Variants in SMURF1 observed in about 807,000 individuals in gnomAD.
The protein encoded by SMURF1 is E3 ubiquitin-protein ligase SMURF1.
SMURF1 carries 44 observed loss-of-function variants against 98.0 expected under a neutral mutation model. The ratio of observed to expected loss-of-function variants is 0.45; its 90% CI spans 0.35 to 0.58. The LOEUF is 0.58. Among genes scored for constraint, SMURF1 ranks in the 20% least tolerant of loss-of-function variants. SMURF1 has a pLI of 0.00. For synonymous variants in SMURF1, 396 were observed against 374.9 expected (o/e 1.06, Z -0.65); for missense variants, 687 against 938.4 (o/e 0.73, Z 3.50).
intron 13 of SMURF1, among the ~76,000 whole-genome samples, chr7:99,039,904 T>C (rs1795306610): frequency 6.6e-6 from 1 of 152,190 alleles, no homozygotes; most frequent in African/African-American, 2.4e-5. Flanking sequence ...GGTAACTAAA[T>C]GTTAATTTTG....
intron 1 of SMURF1, among the ~76,000 whole-genome samples, chr7:99,080,079 A>C (rs971536716): frequency 4.6e-5 from 7 of 152,212 alleles, no homozygotes; most frequent in African/African-American, 1.7e-4. Context: ...AGACAAAAGG[A>C]GAAAATAAAA....
chr7:99,069,833 T>G (rs955507505), intron 1 of SMURF1, among the ~76,000 whole-genome samples: 2 of 152,244 alleles, frequency 1.3e-5, no homozygotes, highest in African/African-American at 4.8e-5. Flanking sequence ...CCAATCTTGC[T>G]CAGTAAGTTT....
intron 1 of SMURF1, among the ~76,000 whole-genome samples, chr7:99,132,691 GACACACGGACACACACACACAC>G (rs1289011096): frequency 8.8e-6 from 1 of 113,268 alleles, no homozygotes; most frequent in Non-Finnish European, 1.8e-5. Flanking sequence ...ACATCACACA[GACACACGGACACACACACACAC>G]ACACACACAC....
chr7:99,035,611 C>T lies in SMURF1; in HGVS notation c.1915G>A (p.Ala639Thr). ...CTTTCTTCATCGAACGTCTCCACCG[C>T]TTGCCAGAACCACCGCACGATGTTG... ...DSNIVRWFWQ[A>T]VETFDEERRA... is the part of the protein sequence containing the mutation. Residue 639 changes from alanine to threonine, a missense_variant, in exon 16 of 18, where the codon GCG (alanine) becomes ACG (threonine). Ala to Thr is a moderately conservative substitution (Grantham distance 58). Coordinates refer to ENST00000361368, the MANE Select transcript of SMURF1 (RefSeq NM_181349.3). 1 of 1,614,248 alleles carries T rather than the reference C, an allele frequency of 6.2e-7. No individual in the cohort carries two copies. The highest frequency in any genetic ancestry group is 8.5e-7 in the Non-Finnish European group (1 of 1,180,046).
chr7:99,121,443 C>A (rs947748932), intron 1 of SMURF1, among the ~76,000 whole-genome samples: 1 of 152,146 alleles, frequency 6.6e-6, no homozygotes, highest in Admixed American at 6.5e-5. Context: ...TCCTCCAAAA[C>A]AACACCTAGT....
intron 1 of SMURF1, among the ~76,000 whole-genome samples, chr7:99,085,584 T>G (rs1226647986): frequency 6.6e-6 from 1 of 152,150 alleles, no homozygotes; most frequent in Non-Finnish European, 1.5e-5. Context: ...TCATACTCAA[T>G]GAACCTATGT....
Position 99,052,270 on chromosome 7 carries a change from C to A in SMURF1, c.656G>T (p.Gly219Val), listed in dbSNP as rs551205493. 35 of 1,611,122 alleles carry A rather than the reference C, an allele frequency of 2.2e-5. No individual in the cohort carries two copies. In the South Asian group the frequency reaches 3.7e-4, roughly 17 times the overall value. The part of the protein sequence containing the change: ...AQRLRNPDVR[G>V]SLQTPQNRPH... ...TCGGTTCTGGGGCGTCTGTAGTGAACCTCGCACATCAGGGTTTCGAAGCCG... is the reference window on the plus strand; with the variant it reads ...TCGGTTCTGGGGCGTCTGTAGTGAAACTCGCACATCAGGGTTTCGAAGCCG... Residue 219 changes from glycine (G) to valine (V), a missense_variant, in exon 7 of 18, where the codon GGT becomes GTT. Transcript: ENST00000361368.
Position 99,032,877 on chromosome 7 carries a change from T to G in SMURF1, c.2096+160A>C, listed in dbSNP as rs938704242. ...CAGAATTGTCATTCAACTCTAGAAT[T>G]TCTCCTTCTGTCTCAGGTGCTGTGG... On this transcript the variant is annotated intron_variant, in intron 17 of 17. Coordinates refer to ENST00000361368, the MANE Select transcript of SMURF1 (RefSeq NM_181349.3). 5.3e-6 allele frequency: 5 copies of G among 946,844 alleles called. No individual in the cohort carries two copies. The African/African-American group carries it at 6.6e-5, about 12-fold the overall frequency. The allele number at this position is 946,844 out of a possible 1,614,324, so 58.7% of individuals were successfully genotyped here. A position where few individuals can be genotyped will look rare whatever the true frequency, so the allele number is the denominator to read the frequency against.
At chr7:99,091,382 T>C (rs1353301500) in intron 1 of SMURF1, among the ~76,000 whole-genome samples, 2 of 152,330 alleles carry the variant, frequency 1.3e-5, no homozygotes, top group African/African-American at 2.4e-5. Context: ...AATTGCTACG[T>C]TGTAGTCTAC....
intron 1 of SMURF1, among the ~76,000 whole-genome samples, chr7:99,118,559 A>G (rs1797514854): frequency 6.6e-6 from 1 of 152,232 alleles, no homozygotes; most frequent in Admixed American, 6.5e-5. Flanking sequence ...CATACATATG[A>G]TTTCATTTTC....
chr7:99,086,347 A>G (rs1477052154), intron 1 of SMURF1, among the ~76,000 whole-genome samples: 1 of 151,654 alleles, frequency 6.6e-6, no homozygotes, highest in Non-Finnish European at 1.5e-5. Context: ...CTCTCTCAAA[A>G]AGGAAAAAAA....
chr7:99,086,452 AT>A (rs747577015), intron 1 of SMURF1, among the ~76,000 whole-genome samples: 12 of 152,196 alleles, frequency 7.9e-5, no homozygotes, highest in Admixed American at 3.3e-4. Flanking sequence ...ACACTCCTAC[AT>A]TGATGGTGGC....
rs1393453192 is a variant in SMURF1, at chr7:99,027,601, A to G, written c.*2983T>C. 2 of 152,704 alleles carry G rather than the reference A, an allele frequency of 1.3e-5. No individual in the cohort carries two copies. The highest frequency in any genetic ancestry group is 6.5e-5 in the Admixed American group (1 of 15,288). 9.5% of individuals were successfully genotyped at this position (152,704 alleles called of 1,614,324 possible). On this transcript the variant is annotated 3_prime_UTR_variant, in exon 18 of 18. Transcript: ENST00000361368. The stretch of plus-strand genomic sequence containing the variant: ...ACTTTTGATTTTGACATAGAACATT[A>G]GTGTACAACTTTCACAAAATAAATC...
At chr7:99,119,190 A>T (rs1128097) in intron 1 of SMURF1, among the ~76,000 whole-genome samples, 1 of 151,782 alleles carries the variant, frequency 6.6e-6, no homozygotes, top group South Asian at 2.1e-4. Flanking sequence ...ATATATGTAC[A>T]AGTATTTTTA....
intron 1 of SMURF1, among the ~76,000 whole-genome samples, chr7:99,096,300 C>G (rs761252441): frequency 3.9e-5 from 6 of 152,190 alleles, no homozygotes; most frequent in Non-Finnish European, 8.8e-5. Context: ...CTAGTTAGAA[C>G]AGAACACATG....
At chr7:99,073,759 CCATCTCAAA>C (rs1019568591) in intron 1 of SMURF1, among the ~76,000 whole-genome samples, 6 of 150,176 alleles carry the variant, frequency 4.0e-5, no homozygotes, top group African/African-American at 1.5e-4. Flanking sequence ...GAGTGAGATT[CCATCTCAAA>C]AAAAAAAAAA....
At chr7:99,088,431 C>T (rs539368290) in intron 1 of SMURF1, among the ~76,000 whole-genome samples, 1 of 152,124 alleles carries the variant, frequency 6.6e-6, no homozygotes, top group African/African-American at 2.4e-5. Flanking sequence ...TTCAAGTCCC[C>T]CGTCCCCCTT....
chr7:99,044,261 G>A (rs778622694), intron 11 of SMURF1, among the ~76,000 whole-genome samples: 2 of 152,094 alleles, frequency 1.3e-5, no homozygotes, highest in Non-Finnish European at 2.9e-5. Flanking sequence ...GCAGTGAGCC[G>A]AGATCCAGCC....
chr7:99,135,582 T>C (rs1308352967), intron 1 of SMURF1, among the ~76,000 whole-genome samples: 5 of 152,240 alleles, frequency 3.3e-5, no homozygotes, highest in Non-Finnish European at 7.3e-5. Flanking sequence ...TATAAAACAC[T>C]ATCTTATTAT....
Sources: allele counts gnomAD v4.1 joint callset (sites outside exome capture counted in the v4.1 genomes callset), GRCh38; gene constraint gnomAD v4.1.1; transcripts MANE v1.5; gene names NCBI Gene and HGNC (gene_info 2026-07-23, HGNC 2026-07-21).